CSMD1: variants seen among roughly 807,000 people sequenced by gnomAD.
The protein encoded by CSMD1 is CUB and sushi domain-containing protein 1.
Under a neutral mutation model 417.5 loss-of-function variants are expected in CSMD1, and 213 were observed. That is an observed-to-expected ratio of 0.51 (90% CI 0.46 to 0.57). CSMD1 has a LOEUF of 0.57. CSMD1 is among the 20% of genes least tolerant of loss of function. The pLI, the probability that CSMD1 is intolerant of heterozygous loss-of-function variation, is 0.00. For synonymous variants in CSMD1, 2,862 were observed against 1,736.8 expected, an observed-to-expected ratio of 1.65 and a Z score of -16.11; for missense variants, 6,923 against 4,529.7, an observed-to-expected ratio of 1.53 and a Z score of -15.17.
At chr8:3,027,784 T>C (rs924906653) in intron 51 of CSMD1, among the ~76,000 whole-genome samples, 1 of 152,194 alleles carries the variant, frequency 6.6e-6, no homozygotes. Context: ...AAACAGACTT[T>C]CTAGAATTTC....
chr8:4,846,487 G>A (rs996928013), intron 1 of CSMD1, among the ~76,000 whole-genome samples: 1 of 152,180 alleles, frequency 6.6e-6, no homozygotes, highest in Non-Finnish European at 1.5e-5. Context: ...CCTGTGACCA[G>A]CCTCCTGACA....
At chr8:3,942,904 C>A (rs886483228) in intron 5 of CSMD1, among the ~76,000 whole-genome samples, 4 of 151,890 alleles carry the variant, frequency 2.6e-5, no homozygotes, top group Non-Finnish European at 5.9e-5. Context: ...CATTGTGATA[C>A]TTTTTTTTGT....
At chr8:4,197,816 T>A (rs1435437343) in intron 3 of CSMD1, among the ~76,000 whole-genome samples, 1 of 152,068 alleles carries the variant, frequency 6.6e-6, no homozygotes, top group African/African-American at 2.4e-5. Flanking sequence ...GAGGCAGAGG[T>A]TGCAGTGAGC....
chr8:3,757,692 G>A (rs1001872460), intron 5 of CSMD1, among the ~76,000 whole-genome samples: 3 of 152,028 alleles, frequency 2.0e-5, no homozygotes, highest in Admixed American at 6.6e-5. Flanking sequence ...GTGAAACCCT[G>A]TCTCTACTTA....
chr8:4,107,369 A>T (rs1407661519), intron 3 of CSMD1, among the ~76,000 whole-genome samples: 1 of 152,214 alleles, frequency 6.6e-6, no homozygotes, highest in Admixed American at 6.5e-5. Context: ...CCTGTAGAGG[A>T]TAAAGTCCTC....
At chr8:4,276,570 A>G (rs1330067005) in intron 3 of CSMD1, among the ~76,000 whole-genome samples, 1 of 152,150 alleles carries the variant, frequency 6.6e-6, no homozygotes, top group African/African-American at 2.4e-5. Flanking sequence ...CTGCACATGT[A>G]CCCCAGAACT....
At chr8:3,670,255 G>C (rs988197137) in intron 7 of CSMD1, among the ~76,000 whole-genome samples, 3 of 151,890 alleles carry the variant, frequency 2.0e-5, no homozygotes, top group Non-Finnish European at 4.4e-5. Context: ...ATATGAAAAG[G>C]TCAGACTGGC....
At chr8:4,075,915 G>C (rs1175718464) in intron 3 of CSMD1, among the ~76,000 whole-genome samples, 2 of 151,976 alleles carry the variant, frequency 1.3e-5, no homozygotes, top group East Asian at 3.9e-4. Context: ...CAATCCACTG[G>C]TACTTTATAT....
chr8:4,398,637 T>G (rs1308336792), intron 3 of CSMD1, among the ~76,000 whole-genome samples: 1 of 152,090 alleles, frequency 6.6e-6, no homozygotes, highest in Non-Finnish European at 1.5e-5. Flanking sequence ...CCTCCTGATC[T>G]GCCCCTCTTG....
At chr8:4,360,098 T>G (rs1366532312) in intron 3 of CSMD1, among the ~76,000 whole-genome samples, 2 of 152,152 alleles carry the variant, frequency 1.3e-5, no homozygotes, top group Non-Finnish European at 1.5e-5. Context: ...ACTTAACATA[T>G]CTGTATGTCT....
chr8:4,553,007 A>G (rs1797938611), intron 2 of CSMD1, among the ~76,000 whole-genome samples: 1 of 152,114 alleles, frequency 6.6e-6, no homozygotes, highest in Non-Finnish European at 1.5e-5. Context: ...GTGACATTTC[A>G]CCGAGTCAGA....
chr8:3,658,300 C>A (rs981006541), intron 7 of CSMD1, among the ~76,000 whole-genome samples: 1 of 151,794 alleles, frequency 6.6e-6, no homozygotes, highest in African/African-American at 2.4e-5. Flanking sequence ...TGTGTATAAA[C>A]AATGGATTTA....
At chr8:4,155,446 G>A (rs550482714) in intron 3 of CSMD1, among the ~76,000 whole-genome samples, 1 of 152,144 alleles carries the variant, frequency 6.6e-6, no homozygotes, top group African/African-American at 2.4e-5. Flanking sequence ...CCTTGTTTGG[G>A]AAATGAAAAT....
chr8:4,604,619 G>A (rs1800772588), intron 2 of CSMD1, among the ~76,000 whole-genome samples: 1 of 152,046 alleles, frequency 6.6e-6, no homozygotes. Flanking sequence ...TGAAACTAAA[G>A]TTAAATCTCT....
At chr8:4,739,804 A>G (rs1191447457) in intron 1 of CSMD1, among the ~76,000 whole-genome samples, 1 of 152,154 alleles carries the variant, frequency 6.6e-6, no homozygotes, top group East Asian at 1.9e-4. Context: ...TACCTGCTGC[A>G]ACAGCCTCCT....
At chr8:4,295,177 T>G (rs1409526322) in intron 3 of CSMD1, among the ~76,000 whole-genome samples, 18 of 143,082 alleles carry the variant, frequency 1.3e-4, no homozygotes, top group African/African-American at 4.6e-4. Context: ...TAAGATTATA[T>G]AATCTTAAGA....
At chr8:4,840,893 G>A (rs758754743) in intron 1 of CSMD1, among the ~76,000 whole-genome samples, 1 of 152,186 alleles carries the variant, frequency 6.6e-6, no homozygotes, top group East Asian at 1.9e-4. Context: ...ATATTTGCGT[G>A]TCTCAATCAA....
intron 3 of CSMD1, among the ~76,000 whole-genome samples, chr8:4,254,406 C>T (rs188296760): frequency 6.6e-6 from 1 of 152,308 alleles, no homozygotes; most frequent in Admixed American, 6.5e-5. Context: ...ACGAATGCCA[C>T]ATTCAGCAGT....
At chr8:3,926,589 G>A (rs1563219057) in intron 5 of CSMD1, among the ~76,000 whole-genome samples, 2 of 150,806 alleles carry the variant, frequency 1.3e-5, no homozygotes, top group Admixed American at 6.6e-5. Flanking sequence ...TTTATTTCTG[G>A]TTAATTTTAT....
Sources: allele counts gnomAD v4.1 joint callset (sites outside exome capture counted in the v4.1 genomes callset), GRCh38; gene constraint gnomAD v4.1.1; transcripts MANE v1.5; gene names NCBI Gene and HGNC (gene_info 2026-07-23, HGNC 2026-07-21).